The following PTK2 variants were observed in gnomAD, a reference collection of about 807,000 sequenced individuals.
PTK2 encodes the protein protein tyrosine kinase 2.
PTK2 carries 45 observed loss-of-function variants against 150.1 expected under a neutral mutation model. The observed-to-expected ratio is 0.30, with a 90% CI of 0.24 to 0.38. The LOEUF is 0.38. PTK2 is among the 10% of genes least tolerant of loss of function. The pLI is 1.00. For synonymous variants in PTK2, 432 were observed against 449.2 expected (o/e 0.96, Z 0.48); for missense variants, 919 against 1,307.3 (o/e 0.70, Z 4.58).
chr8:140,843,923 A>T (rs757800271), intron 7 of PTK2, among the ~76,000 whole-genome samples: 1 of 152,192 alleles, frequency 6.6e-6, no homozygotes, highest in Non-Finnish European at 1.5e-5. Context: ...CTGTTCCAAC[A>T]TCATATGGAG....
chr8:140,719,318 A>G (rs2154279931), intron 22 of PTK2, among the ~76,000 whole-genome samples: 2 of 152,304 alleles, frequency 1.3e-5, no homozygotes, highest in South Asian at 4.1e-4. Context: ...AAAACTCTTC[A>G]CAGTATTTAA....
chr8:140,731,937 AAG>A (rs1383072879), intron 22 of PTK2, among the ~76,000 whole-genome samples: 1 of 152,278 alleles, frequency 6.6e-6, no homozygotes, highest in East Asian at 1.9e-4. Context: ...ACTCCAGTTA[AAG>A]ATGAGGGGAA....
chr8:140,793,497 C>T, intron 12 of PTK2, 113 bp from the exon 13 acceptor site: 1 of 1,152,212 alleles, frequency 8.7e-7, no homozygotes, highest in South Asian at 1.6e-5. Context: ...AGCAATGACC[C>T]TTTAAAGAAA....
At chr8:140,686,875 C>G (rs897643572) in intron 26 of PTK2, 181 bp from the exon 30 acceptor site, 9 of 601,120 alleles carry the variant, frequency 1.5e-5, no homozygotes, top group Non-Finnish European at 2.6e-5. Flanking sequence ...TTGGGAAGAA[C>G]TGCATTCCTC....
chr8:140,675,861 G>C (rs899474679), intron 27 of PTK2: 1 of 172,260 alleles, frequency 5.8e-6, no homozygotes, highest in African/African-American at 2.4e-5. Flanking sequence ...ACTTATCAAA[G>C]AACTCAAAAT....
At chr8:140,755,982 T>TA (rs1428166045) in intron 16 of PTK2, among the ~76,000 whole-genome samples, 1 of 152,100 alleles carries the variant, frequency 6.6e-6, no homozygotes, top group African/African-American at 2.4e-5. Context: ...ACTATAAAAT[T>TA]AGACTCCCAC....
chr8:140,778,825 A>G (rs759981596), intron 14 of PTK2, among the ~76,000 whole-genome samples: 1 of 152,240 alleles, frequency 6.6e-6, no homozygotes, highest in Non-Finnish European at 1.5e-5. Flanking sequence ...GGATGGGATC[A>G]AGGACAAGCT....
intron 11 of PTK2, among the ~76,000 whole-genome samples, chr8:140,801,706 T>A (rs1182553879): frequency 6.6e-6 from 1 of 152,198 alleles, no homozygotes; most frequent in East Asian, 1.9e-4. Flanking sequence ...ATAATAACTA[T>A]TATAATCACA....
At chr8:140,784,454 C>G (rs902982592) in intron 14 of PTK2, among the ~76,000 whole-genome samples, 1 of 152,110 alleles carries the variant, frequency 6.6e-6, no homozygotes, top group African/African-American at 2.4e-5. Context: ...AACCCAAACA[C>G]AATAATCCAC....
intron 1 of PTK2, among the ~76,000 whole-genome samples, chr8:140,937,284 C>T (rs992161373): frequency 6.6e-6 from 1 of 152,086 alleles, no homozygotes; most frequent in East Asian, 1.9e-4. Context: ...TACTTTTATA[C>T]TTACTTCCTG....
At chr8:141,000,127 C>CACACACACACACACACACACACACGCA in intron 1 of PTK2, among the ~76,000 whole-genome samples, 1 of 123,844 alleles carries the variant, frequency 8.1e-6, no homozygotes, top group East Asian at 2.3e-4. Flanking sequence ...ACACACACAC[C>CACACACACACACACACACACACACGCA]CCTTCTTCTA....
chr8:140,692,652 A>C lies in PTK2; in HGVS notation c.2500-5958T>G, dbSNP rs1005854025. 4.6e-5 allele frequency among the ~76,000 whole-genome samples: 7 copies of C among 152,276 alleles called. No homozygotes were observed. The South Asian group carries it at 1.5e-3, about 32-fold the overall frequency. On this transcript the variant is annotated intron_variant, in intron 26 of 31. Transcript: ENST00000522684. ...AAAAACAAACAAGCCAAAAAAAAAA[A>C]ACAGTTCGGCTTAGCTACAGTCTCT...
chr8:140,696,796 A>C (rs1225463549), intron 26 of PTK2, among the ~76,000 whole-genome samples: 1 of 152,196 alleles, frequency 6.6e-6, no homozygotes, highest in Admixed American at 6.5e-5. Flanking sequence ...ACAGCTTTCC[A>C]TATGCTCGGC....
At chr8:140,859,303 G>C (rs1361659253) in intron 5 of PTK2, among the ~76,000 whole-genome samples, 1 of 152,140 alleles carries the variant, frequency 6.6e-6, no homozygotes, top group Non-Finnish European at 1.5e-5. Flanking sequence ...CAGTGAGGTG[G>C]GCCACAGGAA....
intron 1 of PTK2, among the ~76,000 whole-genome samples, chr8:140,964,362 C>T (rs1412101267): frequency 4.6e-5 from 7 of 151,878 alleles, no homozygotes; most frequent in Non-Finnish European, 5.9e-5. Context: ...TCAGCCACAC[C>T]ATCACGCGCC....
At chr8:140,859,360 G>A (rs1305897046) in intron 5 of PTK2, among the ~76,000 whole-genome samples, 1 of 151,966 alleles carries the variant, frequency 6.6e-6, no homozygotes, top group Non-Finnish European at 1.5e-5. Flanking sequence ...TGAGCAGTAG[G>A]GTCATGGGTA....
chr8:140,806,214 C>G lies in PTK2; in HGVS notation c.868-2564G>C, dbSNP rs1015588835. 2.0e-5 allele frequency among the ~76,000 whole-genome samples: 3 copies of G among 152,288 alleles called. No homozygotes were observed. In the South Asian group the frequency reaches 6.2e-4, roughly 32 times the overall value. ...CAAAGTATGCTCTGCATTGAACTTT[C>G]CAGGAATGCAACTTACGCGTAATGC... On this transcript the variant is annotated intron_variant, in intron 10 of 31. Coordinates refer to ENST00000522684, the Ensembl canonical transcript of PTK2.
intron 16 of PTK2, among the ~76,000 whole-genome samples, chr8:140,760,475 T>G (rs1326468542): frequency 6.6e-6 from 1 of 152,100 alleles, no homozygotes; most frequent in African/African-American, 2.4e-5. Flanking sequence ...AAGCTGATAA[T>G]AAAAAATCCA....
intron 14 of PTK2, among the ~76,000 whole-genome samples, chr8:140,780,199 C>T (rs770881148): frequency 3.9e-5 from 6 of 152,104 alleles, no homozygotes; most frequent in Non-Finnish European, 7.4e-5. Flanking sequence ...GAAGAAATGA[C>T]AGGATTCACA....
Sources: gnomAD v4.1 joint callset for allele counts (sites outside exome capture counted in the v4.1 genomes callset) on GRCh38, gnomAD v4.1.1 for gene constraint, MANE v1.5 for transcripts, NCBI Gene and HGNC (gene_info 2026-07-23, HGNC 2026-07-21) for gene names.